Variants in IGF1 observed in about 807,000 individuals in gnomAD.
IGF1 encodes insulin like growth factor 1, also known as insulin-like growth factor 1.
A neutral mutation model predicts 13.8 loss-of-function variants in IGF1; 4 were observed. The ratio of observed to expected loss-of-function variants is 0.29; its 90% CI spans 0.14 to 0.66. The LOEUF is 0.66. IGF1 is among the 30% of genes least tolerant of loss of function. The pLI is 0.78. For missense variants in IGF1, 124 were observed against 188.5 expected, an observed-to-expected ratio of 0.66 and a Z score of 2.00; for synonymous variants, 76 against 72.6, an observed-to-expected ratio of 1.05 and a Z score of -0.23.
In IGF1 at chr12:102,448,697, A is replaced by T. The variant is rs868815552; in HGVS notation, c.220+26946T>A. Among the ~76,000 whole-genome samples the T allele has an allele frequency of 5.8e-3, 866 of 149,498 alleles. 4 individuals are homozygous for T. The highest frequency in any genetic ancestry group is 0.02 in the African/African-American group (817 of 40,952). ...TAAAACTTAGAGTATAATAAAAAAA[A>T]AAAAAAAAAAAAAAAAAAATCTCAT... is the stretch of plus-strand genomic sequence containing the variant. On this transcript the variant is annotated intron_variant, in intron 2 of 3. Coordinates refer to ENST00000337514, the MANE Select transcript of IGF1 (RefSeq NM_000618.5).
chr12:102,463,923 G>A (rs1481466108), intron 2 of IGF1, among the ~76,000 whole-genome samples: 3 of 152,166 alleles, frequency 2.0e-5, no homozygotes, highest in African/African-American at 7.2e-5. Context: ...CCTTTCATCT[G>A]GGAAGTGAGA....
At chr12:102,466,207 C>G (rs1033940694) in intron 2 of IGF1, among the ~76,000 whole-genome samples, 2 of 152,176 alleles carry the variant, frequency 1.3e-5, no homozygotes, top group Non-Finnish European at 2.9e-5. Context: ...CACAATGACT[C>G]TTCTCATGGC....
At chr12:102,423,570 T>C (rs1875937392) in intron 2 of IGF1, among the ~76,000 whole-genome samples, 2 of 152,198 alleles carry the variant, frequency 1.3e-5, no homozygotes, top group Admixed American at 1.3e-4. Flanking sequence ...TGACTAGACA[T>C]AATGTTTAGT....
intron 2 of IGF1, among the ~76,000 whole-genome samples, chr12:102,428,001 A>AG (rs918320326): frequency 4.6e-5 from 7 of 151,812 alleles, no homozygotes; most frequent in African/African-American, 1.7e-4. Context: ...TATAGCACCT[A>AG]GCACAGTGCC....
chr12:102,475,821 G>T (rs2137276508), intron 1 of IGF1, 22 bp from the exon 2 acceptor site: 1 of 1,604,078 alleles, frequency 6.2e-7, no homozygotes, highest in Non-Finnish European at 8.5e-7. Flanking sequence ...ACAGAGGGAG[G>T]GTCAGGTTTC....
chr12:102,472,034 T>A (rs983051059), intron 2 of IGF1, among the ~76,000 whole-genome samples: 33 of 152,304 alleles, frequency 2.2e-4, no homozygotes, highest in African/African-American at 7.7e-4. Context: ...AAGGGCTCCA[T>A]CAATCTAGTA....
chr12:102,412,798 A>C (rs372098462), intron 3 of IGF1, among the ~76,000 whole-genome samples: 4 of 152,232 alleles, frequency 2.6e-5, no homozygotes, highest in Admixed American at 6.5e-5. Flanking sequence ...TCATTTCCCT[A>C]TTGTTCTCAA....
intron 1 of IGF1, among the ~76,000 whole-genome samples, chr12:102,477,759 G>A (rs979302160): frequency 4.0e-5 from 6 of 151,854 alleles, no homozygotes; most frequent in Admixed American, 6.6e-5. Flanking sequence ...TCTTTGTTGC[G>A]TTCATAGCAA....
In IGF1 at chr12:102,399,430, A is replaced by C. The variant is rs1873499595; in HGVS notation, c.*3077T>G. ...TCATTCAAGAATTATAAAGCAATCTAATTCTGAAGCAAAGCTTGTAAAGTT... is the reference window on the plus strand; with the variant it reads ...TCATTCAAGAATTATAAAGCAATCTCATTCTGAAGCAAAGCTTGTAAAGTT... On this transcript the variant is annotated 3_prime_UTR_variant, in exon 4 of 4. Transcript: ENST00000337514. The C allele has an allele frequency of 6.6e-6, 1 of 152,196 alleles. No homozygotes were observed. The highest frequency in any genetic ancestry group is 1.5e-5 in the Non-Finnish European group (1 of 68,008). 9.4% of individuals were successfully genotyped at this position (152,196 alleles called of 1,614,324 possible). A position where few individuals can be genotyped will look rare whatever the true frequency, so the allele number is the denominator to read the frequency against.
At chr12:102,404,340 A>T (rs749070934) in intron 3 of IGF1, among the ~76,000 whole-genome samples, 7 of 152,212 alleles carry the variant, frequency 4.6e-5, no homozygotes, top group Admixed American at 3.3e-4. Context: ...AAGGCTGGGG[A>T]AAAAGATAAA....
At chr12:102,434,483 C>A (rs1370523089) in intron 2 of IGF1, among the ~76,000 whole-genome samples, 1 of 148,904 alleles carries the variant, frequency 6.7e-6, no homozygotes, top group African/African-American at 2.5e-5. Flanking sequence ...ATGAACTCAT[C>A]ATTTTTTATG....
At chr12:102,413,369 T>A (rs1874806511) in intron 3 of IGF1, among the ~76,000 whole-genome samples, 1 of 152,226 alleles carries the variant, frequency 6.6e-6, no homozygotes, top group Non-Finnish European at 1.5e-5. Context: ...GTTAATGGAC[T>A]TGAGAAATTG....
chr12:102,430,546 A>G (rs1876647511), intron 2 of IGF1, among the ~76,000 whole-genome samples: 1 of 152,208 alleles, frequency 6.6e-6, no homozygotes, highest in Admixed American at 6.5e-5. Flanking sequence ...GAGAATGTAG[A>G]CAGAGCTACA....
chr12:102,418,254 C>T (rs139425891), intron 3 of IGF1, among the ~76,000 whole-genome samples: 1 of 152,240 alleles, frequency 6.6e-6, no homozygotes, highest in East Asian at 1.9e-4. Flanking sequence ...TCTGCCTTTG[C>T]CCCAGCAAGC....
rs770254030 is a variant in IGF1 at position 102,401,612 on chromosome 12, C to A, written c.*895G>T. ...CAAACTACAAAATAGCACCATTATA[C>A]TAAAAAACAGAGTTTTACATACTGT... On this transcript the variant is annotated 3_prime_UTR_variant, in exon 4 of 4. Transcript: ENST00000337514. The A allele has an allele frequency of 6.6e-6, 1 of 152,508 alleles. No homozygotes were observed. Among genetic ancestry groups the A allele is most frequent in the Non-Finnish European group, 1.5e-5 (1 of 68,008 alleles). The allele number at this position is 152,508 out of a possible 1,614,324, so 9.4% of individuals were successfully genotyped here.
At chr12:102,475,536 C>T in intron 2 of IGF1, 107 bp downstream of exon 2, 1 of 1,291,488 alleles carries the variant, frequency 7.7e-7, no homozygotes, top group South Asian at 1.2e-5. Flanking sequence ...AGGATGGCTG[C>T]CAGATACGGG....
chr12:102,441,930 T>TCTTCTTCTTCTTCTTCTC, intron 2 of IGF1, among the ~76,000 whole-genome samples: 1 of 131,902 alleles, frequency 7.6e-6, no homozygotes, highest in East Asian at 2.2e-4. Context: ...TTCTTCTTCT[T>TCTTCTTCTTCTTCTTCTC]CTTCTTCTTC....
chr12:102,404,847 T>G (rs983865777), intron 3 of IGF1, among the ~76,000 whole-genome samples: 5 of 150,032 alleles, frequency 3.3e-5, no homozygotes, highest in Non-Finnish European at 7.4e-5. Context: ...AACCTCTGCC[T>G]CCCGGGTTCA....
intron 2 of IGF1, chr12:102,423,259 G>T (rs966132221): frequency 2.3e-5 from 1 of 43,156 alleles, no homozygotes; most frequent in Non-Finnish European, 3.8e-5. Flanking sequence ...TCGATGCTAC[G>T]AAAAAAAAAA....
Sources: allele counts gnomAD v4.1 joint callset (sites outside exome capture counted in the v4.1 genomes callset), GRCh38; gene constraint gnomAD v4.1.1; transcripts MANE v1.5; gene names NCBI Gene and HGNC (gene_info 2026-07-23, HGNC 2026-07-21).